DLG5: variants seen among roughly 807,000 people sequenced by gnomAD.
The protein encoded by DLG5 is disks large homolog 5.
In DLG5, 48 loss-of-function variants were observed where a neutral mutation model predicts 189.8. That is an observed-to-expected ratio of 0.25 (90% CI 0.20 to 0.32). The LOEUF (loss-of-function observed/expected upper bound fraction) is 0.32. Among genes scored for constraint, DLG5 ranks in the 10% least tolerant of loss-of-function variants. DLG5 has a pLI of 1.00. For synonymous variants in DLG5, 1,016 were observed against 1,054.1 expected (o/e 0.96, Z 0.70); for missense variants, 2,160 against 2,544.7 (o/e 0.85, Z 3.25).
intron 1 of DLG5, among the ~76,000 whole-genome samples, chr10:77,918,149 G>GC (rs1564596664): frequency 6.6e-6 from 1 of 151,932 alleles, no homozygotes; most frequent in Non-Finnish European, 1.5e-5. Context: ...GGTGGCTCAC[G>GC]CCTGTAATCC....
At chr10:77,876,373 CTTTT>C (rs60644218) in intron 1 of DLG5, among the ~76,000 whole-genome samples, 431 of 134,904 alleles carry the variant, frequency 3.2e-3, no homozygotes, top group Non-Finnish European at 4.2e-3. Context: ...CCCCATCTCT[CTTTT>C]TTTTTTTTTT....
At chr10:77,895,615 GT>G (rs996653550) in intron 1 of DLG5, among the ~76,000 whole-genome samples, 6 of 152,182 alleles carry the variant, frequency 3.9e-5, no homozygotes, top group African/African-American at 1.4e-4. Context: ...TCCCTCAGCT[GT>G]TCAGACCACA....
At chr10:77,804,053 G>A (rs1416275815) in intron 27 of DLG5, among the ~76,000 whole-genome samples, 1 of 151,986 alleles carries the variant, frequency 6.6e-6, no homozygotes, top group Non-Finnish European at 1.5e-5. Context: ...ACCACACCAG[G>A]CTAATTTTTG....
chr10:77,935,634 C>G, the DLG5 span, among the ~76,000 whole-genome samples: 1 of 152,198 alleles, frequency 6.6e-6, no homozygotes, highest in African/African-American at 2.4e-5. Context: ...AGCATGTGTA[C>G]ATGTGTCTGT....
intron 1 of DLG5, among the ~76,000 whole-genome samples, chr10:77,904,887 G>C (rs1409864107): frequency 1.3e-5 from 2 of 151,650 alleles, no homozygotes; most frequent in Non-Finnish European, 2.9e-5. Context: ...CCAACACTTT[G>C]AGAGGCTGAG....
chr10:77,862,762 A>G (rs1248643), intron 2 of DLG5, among the ~76,000 whole-genome samples: 112,072 of 152,160 alleles, frequency 0.74, 42,286 homozygotes, highest in African/African-American at 0.91. Context: ...AACTGCGGAC[A>G]CACACAGGGT....
In DLG5 at chr10:77,794,045, C is replaced by T. The variant is rs41274578; in HGVS notation, c.5619G>A (p.Ala1873=). 0.012 allele frequency: 19,267 copies of T among 1,614,076 alleles called. 851 individuals carry two copies. The African/African-American group carries it at 0.13, about 11-fold the overall frequency. The change falls in exon 31 of 32, where the codon GCG becomes GCA. Residue 1873 remains alanine (A), a synonymous_variant. Transcript: ENST00000372391. ...QRHSKEQFEA[A]QKLEQEYSRY... ...TGCTGTACTCCTGCTCAAGCTTCTG[C>T]GCCGCCTCAAACTGCTCTTTGGAAT...
intron 20 of DLG5, among the ~76,000 whole-genome samples, chr10:77,815,829 CT>C (rs1242214249): frequency 6.6e-6 from 1 of 152,086 alleles, no homozygotes; most frequent in Admixed American, 6.5e-5. Flanking sequence ...TAGACAGAAG[CT>C]GTTAAATATA....
At chr10:77,844,452 C>A (rs950300997) in intron 5 of DLG5, among the ~76,000 whole-genome samples, 2 of 152,168 alleles carry the variant, frequency 1.3e-5, no homozygotes, top group African/African-American at 4.8e-5. Flanking sequence ...TCTTTTGAGT[C>A]CTCCCAGAAA....
At position 77,821,975 on chromosome 10, in the gene DLG5, G is replaced by T; in HGVS notation, c.2509C>A (p.Gln837Lys). 1 of 1,614,270 alleles carries T rather than the reference G, an allele frequency of 6.2e-7. No individual in the cohort carries two copies. Among genetic ancestry groups the T allele is most frequent in the Admixed American group, 1.7e-5 (1 of 60,036 alleles). Residue 837 changes from glutamine (Q) to lysine (K), a missense_variant, in exon 15 of 32, where the codon CAG (glutamine) becomes AAG (lysine). Physicochemically the swap from Gln to Lys is moderately conservative, Grantham distance 53. Coordinates refer to ENST00000372391, the MANE Select transcript of DLG5 (RefSeq NM_004747.4). The stretch of plus-strand genomic sequence containing the variant: ...TCTGTCTGCGTGGAGTTATTGTGCT[G>T]TATCAAGTTCCGTTTGTTATGAGCC... Reference protein sequence around the residue: ...VQAHNKRNLIQHNNSTQTDIF... With the variant: ...VQAHNKRNLIKHNNSTQTDIF...
intron 1 of DLG5, among the ~76,000 whole-genome samples, chr10:77,914,538 A>C (rs376169993): frequency 1.3e-5 from 2 of 152,176 alleles, no homozygotes; most frequent in South Asian, 2.1e-4. Context: ...CTAAGATTTA[A>C]GCCCCAGTCT....
At chr10:77,803,933 G>A (rs1475532960) in intron 27 of DLG5, among the ~76,000 whole-genome samples, 1 of 148,510 alleles carries the variant, frequency 6.7e-6, no homozygotes. Context: ...TCTGTTGCCT[G>A]GGCTAGAGTG....
At chr10:77,922,540 G>A (rs914516881) in intron 1 of DLG5, among the ~76,000 whole-genome samples, 1 of 152,132 alleles carries the variant, frequency 6.6e-6, no homozygotes, top group African/African-American at 2.4e-5. Flanking sequence ...CACAGTGACT[G>A]GAAATGTCCT....
intron 31 of DLG5, chr10:77,792,819 AAGGAAGTTTGG>A: frequency 2.2e-6 from 1 of 453,326 alleles, no homozygotes. Flanking sequence ...AGGGCATCAG[AAGGAAGTTTGG>A]AGGACATGTG....
At position 77,805,761 on chromosome 10, in the gene DLG5, G is replaced by A. The variant is rs748404592; in HGVS notation, c.5068C>T (p.Arg1690Trp). 262 of 1,613,958 alleles carry A rather than the reference G, an allele frequency of 1.6e-4. No individual in the cohort carries two copies. The highest frequency in any genetic ancestry group is 2.1e-4 in the Non-Finnish European group (244 of 1,180,030). The change falls in exon 27 of 32, where the codon CGG becomes TGG. Residue 1690 changes from arginine to tryptophan, a missense_variant. Arg to Trp is a moderately radical substitution (Grantham distance 101). Around this residue, in one of 5 missense-constraint regions of DLG5, gnomAD observed 574 missense variants for 644.2 expected, o/e 0.89. Transcript: ENST00000372391. ...CTGCGTTTGTGCTTGTGTTTCCTCC[G>A]AAAAAAGGACCGGCGTGCAGCCGCT... is the stretch of plus-strand genomic sequence containing the variant. Reference protein sequence around the residue: ...LSAAARRSFFRRKHKHKRSGS... With the variant: ...LSAAARRSFFWRKHKHKRSGS...
At chr10:77,895,875 G>A (rs1374987385) in intron 1 of DLG5, among the ~76,000 whole-genome samples, 2 of 152,162 alleles carry the variant, frequency 1.3e-5, no homozygotes, top group South Asian at 2.1e-4. Flanking sequence ...ACTGCCAGGA[G>A]TGTTACAGGT....
intron 6 of DLG5, 81 bp downstream of exon 6, chr10:77,843,366 C>G (rs1589199314): frequency 1.3e-6 from 2 of 1,502,726 alleles, no homozygotes; most frequent in East Asian, 4.5e-5. Context: ...CACAATAACT[C>G]ATGCTGTTCT....
intron 7 of DLG5, among the ~76,000 whole-genome samples, chr10:77,840,394 A>T (rs1222025881): frequency 6.6e-6 from 1 of 151,840 alleles, no homozygotes; most frequent in Admixed American, 6.6e-5. Context: ...ATAAAAAATA[A>T]ATTAAAAATA....
intron 31 of DLG5, 21 bp from the exon 32 acceptor site, chr10:77,792,564 C>A (rs1840691577): frequency 6.2e-7 from 1 of 1,611,800 alleles, no homozygotes; most frequent in Non-Finnish European, 8.5e-7. Context: ...GCCCCCCAGA[C>A]ACGTCATTCA....
Sources: allele counts gnomAD v4.1 joint callset (sites outside exome capture counted in the v4.1 genomes callset), GRCh38; gene constraint gnomAD v4.1.1; regional missense constraint gnomAD v4.1.1; transcripts MANE v1.5; gene names NCBI Gene and HGNC (gene_info 2026-07-23, HGNC 2026-07-21).